The following CABCOCO1 variants were observed in gnomAD, a reference collection of about 807,000 sequenced individuals.
CABCOCO1 encodes ciliary-associated calcium-binding coiled-coil protein 1.
Under a neutral mutation model 35.7 loss-of-function variants are expected in CABCOCO1, and 28 were observed. The ratio of observed to expected loss-of-function variants is 0.78; its 90% CI spans 0.58 to 1.07. CABCOCO1 has a LOEUF of 1.07. Among genes scored for constraint, CABCOCO1 ranks in the 50% least tolerant of loss-of-function variants. The pLI is 0.00. For synonymous variants in CABCOCO1, 95 were observed against 100.1 expected (o/e 0.95, Z 0.30); for missense variants, 326 against 309.2 (o/e 1.05, Z -0.41).
intron 5 of CABCOCO1, among the ~76,000 whole-genome samples, chr10:61,730,019 G>C (rs7085130): frequency 0.4 from 61,191 of 151,886 alleles, 14,422 homozygotes; most frequent in Middle Eastern, 0.54. Context: ...TGTACCTACA[G>C]TCAATAATGA....
At chr10:61,667,755 ACT>A (rs1255629593) in intron 1 of CABCOCO1, among the ~76,000 whole-genome samples, 1 of 151,776 alleles carries the variant, frequency 6.6e-6, no homozygotes, top group Admixed American at 6.6e-5. Context: ...ATTAGTAATA[ACT>A]TTTTTGTTAG....
intron 5 of CABCOCO1, among the ~76,000 whole-genome samples, chr10:61,704,172 C>T (rs1423540449): frequency 1.3e-5 from 2 of 152,008 alleles, no homozygotes; most frequent in East Asian, 1.9e-4. Context: ...TGCAGGGAGC[C>T]GAGATAGTGC....
At chr10:61,705,489 C>G (rs990045288) in intron 5 of CABCOCO1, among the ~76,000 whole-genome samples, 1 of 152,186 alleles carries the variant, frequency 6.6e-6, no homozygotes, top group Non-Finnish European at 1.5e-5. Context: ...TATCATGTGA[C>G]ACTGGCTAGT....
intron 5 of CABCOCO1, among the ~76,000 whole-genome samples, chr10:61,719,920 CAAAAAAAAA>C (rs34712304): frequency 1.1e-5 from 1 of 87,980 alleles, no homozygotes; most frequent in African/African-American, 4.3e-5. Flanking sequence ...GACTCCATCT[CAAAAAAAAA>C]AAAAAAAAAA....
chr10:61,721,115 G>A (rs892483721), intron 5 of CABCOCO1, among the ~76,000 whole-genome samples: 3 of 151,282 alleles, frequency 2.0e-5, no homozygotes, highest in Non-Finnish European at 2.9e-5. Context: ...TAGTAGAGAC[G>A]GGGTTTCACC....
At chr10:61,681,418 A>ACCCG in intron 3 of CABCOCO1, 106 bp downstream of exon 3, 1 of 858,626 alleles carries the variant, frequency 1.2e-6, no homozygotes, top group Non-Finnish European at 1.7e-6. Flanking sequence ...TTAATGAAAA[A>ACCCG]TACGGGTTTT....
At chr10:61,703,331 C>T (rs1564541218) in intron 5 of CABCOCO1, among the ~76,000 whole-genome samples, 2 of 151,186 alleles carry the variant, frequency 1.3e-5, no homozygotes, top group East Asian at 3.9e-4. Flanking sequence ...TTTTTCGCCC[C>T]TATTCAATAC....
chr10:61,680,725 T>TTA (rs1396531636), intron 2 of CABCOCO1, among the ~76,000 whole-genome samples: 2 of 127,626 alleles, frequency 1.6e-5, no homozygotes, highest in African/African-American at 2.9e-5. Flanking sequence ...AACATATATA[T>TTA]TATATATATA....
At chr10:61,663,825 A>T (rs201014215) in intron 1 of CABCOCO1, among the ~76,000 whole-genome samples, 88 of 13,548 alleles carry the variant, frequency 6.5e-3, no homozygotes, top group East Asian at 0.031. Context: ...CAGATATTAT[A>T]AAAAAAAAAG....
At chr10:61,746,592 T>G (rs892868764) in intron 5 of CABCOCO1, among the ~76,000 whole-genome samples, 1 of 152,164 alleles carries the variant, frequency 6.6e-6, no homozygotes, top group African/African-American at 2.4e-5. Flanking sequence ...ATATAAATCA[T>G]CACTCTTCAC....
At chr10:61,745,808 A>G (rs1302057383) in intron 5 of CABCOCO1, among the ~76,000 whole-genome samples, 1 of 152,134 alleles carries the variant, frequency 6.6e-6, no homozygotes. Flanking sequence ...ATGTATTTCA[A>G]CTCCATTTTC....
chr10:61,751,748 G>C (rs559249899), intron 5 of CABCOCO1, among the ~76,000 whole-genome samples: 1 of 152,256 alleles, frequency 6.6e-6, no homozygotes, highest in East Asian at 1.9e-4. Context: ...AACATCTGTA[G>C]CTGGACTAGA....
At chr10:61,683,626 G>A (rs1313057079) in intron 3 of CABCOCO1, among the ~76,000 whole-genome samples, 1 of 152,070 alleles carries the variant, frequency 6.6e-6, no homozygotes, top group African/African-American at 2.4e-5. Flanking sequence ...CAGTTATGAG[G>A]TATCATCCTA....
intron 5 of CABCOCO1, among the ~76,000 whole-genome samples, chr10:61,739,104 C>T (rs948750051): frequency 6.6e-6 from 1 of 152,042 alleles, no homozygotes; most frequent in Non-Finnish European, 1.5e-5. Context: ...CTACGGAAAA[C>T]GATTAAATGA....
intron 6 of CABCOCO1, 61 bp from the exon 7 acceptor site, chr10:61,760,802 C>T: frequency 6.6e-7 from 1 of 1,514,956 alleles, no homozygotes; most frequent in Non-Finnish European, 8.9e-7. Context: ...GTTTTAGGTT[C>T]CATATAAATC....
At chr10:61,697,257 G>A (rs1238174513) in intron 5 of CABCOCO1, among the ~76,000 whole-genome samples, 2 of 151,936 alleles carry the variant, frequency 1.3e-5, no homozygotes, top group Admixed American at 1.3e-4. Context: ...TAAATCAGAA[G>A]GGAAATACTT....
chr10:61,684,119 G>GAAATGTACAATAATAATTGA lies in CABCOCO1; in HGVS notation c.335-1920_335-1901dup. ...TCAAAAGAAGTTTATCATGGAGAGA[G>GAAATGTACAATAATAATTGA]AAATGTACAATAATAATTGAATTCC... On this transcript the variant is annotated intron_variant, in intron 3 of 7. Transcript: ENST00000648843. Among the ~76,000 whole-genome samples the GAAATGTACAATAATAATTGA allele has an allele frequency of 2.0e-5, 3 of 152,224 alleles. No homozygotes were observed. In the Middle Eastern group the frequency reaches 0.01, roughly 518 times the overall value.
At chr10:61,746,693 G>A (rs1475166138) in intron 5 of CABCOCO1, among the ~76,000 whole-genome samples, 1 of 152,108 alleles carries the variant, frequency 6.6e-6, no homozygotes, top group Non-Finnish European at 1.5e-5. Context: ...TGGTGTGACA[G>A]GACTGGTACT....
At chr10:61,708,871 C>T (rs1840657884) in intron 5 of CABCOCO1, among the ~76,000 whole-genome samples, 1 of 152,072 alleles carries the variant, frequency 6.6e-6, no homozygotes, top group South Asian at 2.1e-4. Flanking sequence ...TTTCTTTTGT[C>T]CAATTTGTAT....
Sources: gnomAD v4.1 joint callset for allele counts (sites outside exome capture counted in the v4.1 genomes callset) on GRCh38, gnomAD v4.1.1 for gene constraint, MANE v1.5 for transcripts, NCBI Gene and HGNC (gene_info 2026-07-23, HGNC 2026-07-21) for gene names.